The following IMPG1 variants were observed in gnomAD, a reference collection of about 807,000 sequenced individuals.
IMPG1 encodes the protein interphotoreceptor matrix proteoglycan of 150 kDa.
A neutral mutation model predicts 92.0 loss-of-function variants in IMPG1; 85 were observed. The ratio of observed to expected loss-of-function variants is 0.92; its 90% confidence interval spans 0.78 to 1.11. The LOEUF is 1.11. Among genes scored for constraint, IMPG1 ranks in the 50% least tolerant of loss-of-function variants. The pLI is 0.00. For synonymous variants in IMPG1, 367 were observed against 334.1 expected, an observed-to-expected ratio of 1.10 and a Z score of -1.08; for missense variants, 1,022 against 956.0, an observed-to-expected ratio of 1.07 and a Z score of -0.91.
chr6:75,948,122 T>C (rs990813638), intron 13 of IMPG1, among the ~76,000 whole-genome samples: 2 of 152,180 alleles, frequency 1.3e-5, no homozygotes, highest in Non-Finnish European at 2.9e-5. Context: ...TAACTAGCCA[T>C]GTGACCTTTA....
chr6:76,016,453 C>G (rs1582106225), intron 7 of IMPG1, among the ~76,000 whole-genome samples: 1 of 152,198 alleles, frequency 6.6e-6, no homozygotes, highest in South Asian at 2.1e-4. Flanking sequence ...TTCTTTAATT[C>G]ATTTGGTCTA....
At chr6:76,056,555 G>A (rs546597639) in intron 1 of IMPG1, among the ~76,000 whole-genome samples, 2 of 152,228 alleles carry the variant, frequency 1.3e-5, no homozygotes, top group Non-Finnish European at 2.9e-5. Flanking sequence ...CCCAGCAAAG[G>A]AATTACTGGA....
chr6:76,065,277 T>C lies in IMPG1; in HGVS notation c.67+7145A>G, dbSNP rs531581148. 1.2e-4 allele frequency among the ~76,000 whole-genome samples: 19 copies of C among 152,090 alleles called. No homozygotes were observed. The South Asian group carries it at 3.5e-3, about 28-fold the overall frequency. On this transcript the variant is annotated intron_variant, in intron 1 of 16. Coordinates refer to ENST00000369950, the MANE Select transcript of IMPG1 (RefSeq NM_001563.4). ...GAAATACCAGATAAAGAAGTCAAAA[T>C]ATTAATTTTAAAGAAGCTTAATGAG... is the stretch of plus-strand genomic sequence containing the variant.
At chr6:75,932,803 C>T (rs972960692) in intron 14 of IMPG1, among the ~76,000 whole-genome samples, 4 of 151,986 alleles carry the variant, frequency 2.6e-5, no homozygotes, top group East Asian at 1.9e-4. Flanking sequence ...CAGGTTCAAG[C>T]GATTCTCCTG....
At chr6:76,049,046 C>T (rs151067118) in intron 1 of IMPG1, among the ~76,000 whole-genome samples, 1,873 of 152,228 alleles carry the variant, frequency 0.012, 41 homozygotes, top group African/African-American at 0.042. Flanking sequence ...ATGTCCTTTG[C>T]AGGGACATGG....
chr6:76,015,800 C>CAAAAAAAAAAAAAAAA (rs35389302), intron 7 of IMPG1, among the ~76,000 whole-genome samples: 28 of 66,690 alleles, frequency 4.2e-4, no homozygotes, highest in East Asian at 8.5e-4. Flanking sequence ...AACTCTGTCT[C>CAAAAAAAAAAAAAAAA]AAAAAAAAAA....
intron 14 of IMPG1, 22 bp downstream of exon 14, chr6:75,947,292 T>G: frequency 6.4e-7 from 1 of 1,569,736 alleles, no homozygotes; most frequent in Non-Finnish European, 8.8e-7. Context: ...TCTCTACCAC[T>G]TTCTGGGTTG....
Position 75,924,499 on chromosome 6 carries a change from TATATA to T in IMPG1, c.2244-798_2244-794del, listed in dbSNP as rs1435663257. Among the ~76,000 whole-genome samples the T allele has an allele frequency of 6.5e-4, 60 of 92,996 alleles. 1 individual carries two copies. The highest frequency in any genetic ancestry group is 2.5e-3 in the African/African-American group (57 of 22,920). 61.0% of individuals were successfully genotyped at this position (92,996 alleles called of 152,430 possible). A position where few individuals can be genotyped will look rare whatever the true frequency, so the allele number is the denominator to read the frequency against. On this transcript the variant is annotated intron_variant, in intron 15 of 16. Transcript: ENST00000369950. ...ATTATATATTATAATATAATATAAT[TATATA>T]ATATAATTAATATAATTATATATTA...
intron 1 of IMPG1, among the ~76,000 whole-genome samples, chr6:76,043,256 G>T (rs1040221908): frequency 1.3e-5 from 2 of 151,630 alleles, no homozygotes; most frequent in Non-Finnish European, 2.9e-5. Flanking sequence ...GGCCTCTTGA[G>T]ACTCCAAACA....
At chr6:76,060,356 A>G (rs1784185152) in intron 1 of IMPG1, among the ~76,000 whole-genome samples, 1 of 152,168 alleles carries the variant, frequency 6.6e-6, no homozygotes, top group Non-Finnish European at 1.5e-5. Context: ...GGAGCAATAG[A>G]GGGAGAATAT....
At chr6:75,942,623 T>C (rs1411197567) in intron 14 of IMPG1, among the ~76,000 whole-genome samples, 1 of 152,192 alleles carries the variant, frequency 6.6e-6, no homozygotes, top group African/African-American at 2.4e-5. Context: ...CTGGTTGCAC[T>C]GGTTGGTTGT....
chr6:76,012,430 C>T (rs755850926), intron 7 of IMPG1, among the ~76,000 whole-genome samples: 1 of 152,182 alleles, frequency 6.6e-6, no homozygotes, highest in Non-Finnish European at 1.5e-5. Flanking sequence ...AAGGAGCCTT[C>T]GAGTTTCCAT....
chr6:76,020,820 A>G (rs973834511), intron 6 of IMPG1, among the ~76,000 whole-genome samples: 7 of 152,138 alleles, frequency 4.6e-5, no homozygotes, highest in Non-Finnish European at 1.0e-4. Flanking sequence ...ATTTAACCCT[A>G]TATATATAGT....
chr6:75,924,666 TAAATTA>T (rs1409638333), intron 15 of IMPG1, among the ~76,000 whole-genome samples: 9 of 1,356 alleles, frequency 6.6e-3, no homozygotes, highest in East Asian at 0.1. Context: ...TAATATATAA[TAAATTA>T]TATATTATAT....
At chr6:76,068,446 A>C (rs1180415352) in intron 1 of IMPG1, among the ~76,000 whole-genome samples, 1 of 152,064 alleles carries the variant, frequency 6.6e-6, no homozygotes, top group Non-Finnish European at 1.5e-5. Flanking sequence ...GAGGTGACAC[A>C]AACAAATGGA....
At chr6:76,059,849 A>G (rs973619575) in intron 1 of IMPG1, among the ~76,000 whole-genome samples, 3 of 152,216 alleles carry the variant, frequency 2.0e-5, no homozygotes, top group African/African-American at 2.4e-5. Context: ...TGTTTTGATC[A>G]GGTCTAAACT....
chr6:75,947,531 C>G lies in IMPG1; in HGVS notation c.1827G>C (p.Leu609=). 1 of 1,610,640 alleles carries G rather than the reference C, an allele frequency of 6.2e-7. No individual in the cohort carries two copies. The highest frequency in any genetic ancestry group is 8.5e-7 in the Non-Finnish European group (1 of 1,177,542). The part of the protein sequence containing the change: ...RALEQQFTQL[L]VPYLRSNLTG... ...TAAGATTGGATCGTAGATATGGAAC[C>G]AGCTGCAAAATAAAAGATGGTTTCC... The change falls in exon 14 of 17, where the codon CTG becomes CTC. Residue 609 remains leucine (L), a splice_region_variant and synonymous_variant. Coordinates refer to ENST00000369950, the MANE Select transcript of IMPG1 (RefSeq NM_001563.4).
chr6:76,043,993 G>A (rs1254791762), intron 1 of IMPG1, among the ~76,000 whole-genome samples: 4 of 152,250 alleles, frequency 2.6e-5, no homozygotes, highest in Non-Finnish European at 5.9e-5. Flanking sequence ...CAGTTGCAAG[G>A]CATATGCCAG....
In IMPG1 at chr6:76,011,183, G is replaced by A. The variant is rs1414025569; in HGVS notation, c.849C>T (p.Ile283=). 1 of 1,541,942 alleles carries A rather than the reference G, an allele frequency of 6.5e-7. No individual in the cohort carries two copies. The highest frequency in any genetic ancestry group is 1.7e-5 in the Admixed American group (1 of 59,484). ...IFKKLPGFKK[I]HVLGFRPKKE... is the part of the protein sequence containing the mutation. Reference sequence around the variant, plus strand: ...TTACTTACCTAAATCCTAACACATGGATTTTTTTGAATCCTGGAAGTTTCT... The same window carrying A: ...TTACTTACCTAAATCCTAACACATGAATTTTTTTGAATCCTGGAAGTTTCT... Residue 283 remains isoleucine, a synonymous_variant, in exon 8 of 17, where the codon ATC becomes ATT. Transcript: ENST00000369950.
Sources: allele counts gnomAD v4.1 joint callset (sites outside exome capture counted in the v4.1 genomes callset), GRCh38; gene constraint gnomAD v4.1.1; transcripts MANE v1.5; gene names NCBI Gene and HGNC (gene_info 2026-07-23, HGNC 2026-07-21).